SNTG1: variants seen among roughly 807,000 people sequenced by gnomAD.
The protein encoded by SNTG1 is syntrophin gamma 1, also known as gamma-1-syntrophin.
A neutral mutation model predicts 74.7 loss-of-function variants in SNTG1; 39 were observed. The observed-to-expected ratio is 0.52, with a 90% CI of 0.40 to 0.68. SNTG1 has a LOEUF of 0.68. Among genes scored for constraint, SNTG1 ranks in the 30% least tolerant of loss-of-function variants. The pLI, the probability that SNTG1 is intolerant of heterozygous loss-of-function variation, is 0.00. For missense variants in SNTG1, 685 were observed against 609.5 expected (o/e 1.12, Z -1.30); for synonymous variants, 254 against 217.1 (o/e 1.17, Z -1.49).
chr8:50,404,745 A>G (rs376011299), intron 4 of SNTG1, among the ~76,000 whole-genome samples: 6 of 152,040 alleles, frequency 3.9e-5, no homozygotes, highest in African/African-American at 1.4e-4. Flanking sequence ...TATCACCACT[A>G]TTCATTGCCA....
intron 2 of SNTG1, among the ~76,000 whole-genome samples, chr8:50,389,138 T>C (rs2092618788): frequency 6.6e-6 from 1 of 152,176 alleles, no homozygotes; most frequent in Non-Finnish European, 1.5e-5. Context: ...AACTAGCATA[T>C]GGTCATTTCT....
chr8:50,037,475 G>T (rs1302886630), intron 1 of SNTG1, among the ~76,000 whole-genome samples: 2 of 152,178 alleles, frequency 1.3e-5, no homozygotes, highest in Admixed American at 6.5e-5. Flanking sequence ...TGCTGAAAAT[G>T]AAATTTATAG....
At chr8:50,660,470 A>G (rs1235424867) in intron 15 of SNTG1, among the ~76,000 whole-genome samples, 2 of 141,558 alleles carry the variant, frequency 1.4e-5, no homozygotes, top group African/African-American at 2.6e-5. Context: ...AAGGGCAGGG[A>G]GTGCACAGAG....
intron 18 of SNTG1, among the ~76,000 whole-genome samples, chr8:50,777,964 G>C (rs1276322126): frequency 6.6e-6 from 1 of 151,722 alleles, no homozygotes; most frequent in Non-Finnish European, 1.5e-5. Context: ...TTGGTTTTTT[G>C]TTCTTGCGAT....
At chr8:50,115,581 A>AAAAAAAAAAAAAAAAAAAC (rs1563617770) in intron 1 of SNTG1, among the ~76,000 whole-genome samples, 1 of 147,720 alleles carries the variant, frequency 6.8e-6, no homozygotes, top group African/African-American at 2.5e-5. Context: ...AAAAAAAAAA[A>AAAAAAAAAAAAAAAAAAAC]AAAAAACGAG....
At chr8:50,291,242 A>AAGCGTGTGTGTGTG (rs567146667) in intron 2 of SNTG1, among the ~76,000 whole-genome samples, 26 of 149,286 alleles carry the variant, frequency 1.7e-4, no homozygotes, top group South Asian at 1.5e-3. Context: ...AGACAGACAT[A>AAGCGTGTGTGTGTG]TGTGTGTGTG....
chr8:50,456,126 T>C (rs577246552), intron 8 of SNTG1, among the ~76,000 whole-genome samples: 3 of 152,340 alleles, frequency 2.0e-5, no homozygotes, highest in South Asian at 4.1e-4. Flanking sequence ...TTAATACTTT[T>C]AGGGATGCCT....
intron 13 of SNTG1, among the ~76,000 whole-genome samples, chr8:50,633,124 C>A (rs2095014041): frequency 6.6e-6 from 1 of 151,246 alleles, no homozygotes; most frequent in Non-Finnish European, 1.5e-5. Flanking sequence ...GTTCCTTCAA[C>A]CAGGCTATAA....
chr8:50,418,163 C>A (rs2093037219), intron 4 of SNTG1, among the ~76,000 whole-genome samples: 1 of 152,136 alleles, frequency 6.6e-6, no homozygotes, highest in South Asian at 2.1e-4. Context: ...GTGATTGTTT[C>A]TTTGCCATCA....
intron 13 of SNTG1, among the ~76,000 whole-genome samples, chr8:50,617,783 T>C (rs1025005432): frequency 1.3e-5 from 2 of 152,154 alleles, no homozygotes; most frequent in Non-Finnish European, 2.9e-5. Flanking sequence ...CAAAACAGGA[T>C]AGGGATTTTC....
chr8:50,184,777 A>G (rs1001997500), intron 2 of SNTG1, among the ~76,000 whole-genome samples: 1 of 152,204 alleles, frequency 6.6e-6, no homozygotes, highest in Non-Finnish European at 1.5e-5. Flanking sequence ...TTAGTGCCCC[A>G]AATGTAAAAA....
chr8:50,672,992 T>C (rs1586037075), intron 15 of SNTG1, among the ~76,000 whole-genome samples: 1 of 152,168 alleles, frequency 6.6e-6, no homozygotes, highest in African/African-American at 2.4e-5. Context: ...GATCAGACAG[T>C]TATAGATGTG....
At chr8:50,788,403 A>G (rs1259481409) in intron 18 of SNTG1, among the ~76,000 whole-genome samples, 1 of 151,930 alleles carries the variant, frequency 6.6e-6, no homozygotes, top group Non-Finnish European at 1.5e-5. Context: ...TGAATGTTGC[A>G]TGGCCATGTT....
At chr8:50,001,550 C>G (rs974202846) in intron 1 of SNTG1, among the ~76,000 whole-genome samples, 1 of 152,196 alleles carries the variant, frequency 6.6e-6, no homozygotes, top group Admixed American at 6.5e-5. Flanking sequence ...ACCTCTGGCT[C>G]ATTGGAACTG....
intron 1 of SNTG1, among the ~76,000 whole-genome samples, chr8:50,153,100 G>A (rs533515797): frequency 3.4e-4 from 52 of 152,150 alleles, no homozygotes; most frequent in South Asian, 4.2e-4. Flanking sequence ...GGCCTTGTTC[G>A]TTTCTTTTTA....
At position 50,795,308 on chromosome 8, in the gene SNTG1, C is replaced by T. The variant is rs972575462; in HGVS notation, c.*2479C>T. ...ACTATTCTCGTTTTCATCAGTTTAA[C>T]AATTAGTATTTAATGTTTTCTTTAC... On this transcript the variant is annotated 3_prime_UTR_variant, in exon 19 of 19. Transcript: ENST00000642720. 4 of 151,976 alleles carry T rather than the reference C, an allele frequency of 2.6e-5. No homozygotes were observed. The highest frequency in any genetic ancestry group is 5.9e-5 in the Non-Finnish European group (4 of 67,938). 9.4% of individuals were successfully genotyped at this position (151,976 alleles called of 1,614,324 possible).
chr8:50,496,573 A>G (rs955094561), intron 8 of SNTG1, among the ~76,000 whole-genome samples: 30 of 152,176 alleles, frequency 2.0e-4, no homozygotes, highest in African/African-American at 6.8e-4. Flanking sequence ...AAAATGTTGT[A>G]TGAACTTTTC....
chr8:50,381,592 G>A (rs139362985), intron 2 of SNTG1, among the ~76,000 whole-genome samples: 8,439 of 97,704 alleles, frequency 0.086, 414 homozygotes, highest in Middle Eastern at 0.14. Flanking sequence ...GTGTGTGTGT[G>A]TATATATATA....
chr8:50,351,124 T>C (rs1469273171), intron 2 of SNTG1, among the ~76,000 whole-genome samples: 3 of 152,170 alleles, frequency 2.0e-5, no homozygotes, highest in Non-Finnish European at 4.4e-5. Context: ...TGTTGGCAGG[T>C]ATTGGTGATG....
Sources: gnomAD v4.1 joint callset for allele counts (sites outside exome capture counted in the v4.1 genomes callset) on GRCh38, gnomAD v4.1.1 for gene constraint, MANE v1.5 for transcripts, NCBI Gene and HGNC (gene_info 2026-07-23, HGNC 2026-07-21) for gene names.